The following MYO5A variants were observed in gnomAD, a reference collection of about 807,000 sequenced individuals.
MYO5A encodes myosin VA.
In MYO5A, 98 loss-of-function variants were observed where a neutral mutation model predicts 249.7. That is an observed-to-expected ratio of 0.39 (90% CI 0.33 to 0.46). The LOEUF (loss-of-function observed/expected upper bound fraction) is 0.46, where lower values mean the gene tolerates loss of function less well. Among genes scored for constraint, MYO5A ranks in the 20% least tolerant of loss-of-function variants. The probability of loss-of-function intolerance (pLI) is 0.98; values close to 1 mark genes in which losing one functional copy is unlikely to be tolerated. For synonymous variants in MYO5A, 778 were observed against 810.6 expected (o/e 0.96, Z 0.68); for missense variants, 1,696 against 2,308.8 (o/e 0.73, Z 5.44).
chr15:52,343,345 A>G, intron 30 of MYO5A, 148 bp from the exon 31 acceptor site: 1 of 722,250 alleles, frequency 1.4e-6, no homozygotes, highest in Non-Finnish European at 2.4e-6. Flanking sequence ...TACCACAAAA[A>G]TTATTTTTGG....
chr15:52,401,219 C>T (rs142314462), intron 9 of MYO5A, among the ~76,000 whole-genome samples: 313 of 151,978 alleles, frequency 2.1e-3, no homozygotes, highest in African/African-American at 7.3e-3. Context: ...TATAGGCATA[C>T]GCATGATGTC....
At chr15:52,476,718 G>C (rs2076603072) in intron 1 of MYO5A, among the ~76,000 whole-genome samples, 4 of 152,228 alleles carry the variant, frequency 2.6e-5, no homozygotes, top group African/African-American at 9.6e-5. Flanking sequence ...TTGAATATTG[G>C]TCCCCACTCT....
chr15:52,441,760 C>T (rs541103769), intron 1 of MYO5A, among the ~76,000 whole-genome samples: 8 of 152,332 alleles, frequency 5.3e-5, no homozygotes, highest in African/African-American at 1.9e-4. Flanking sequence ...CTGCTAGAAT[C>T]CTTATCCCAC....
intron 2 of MYO5A, among the ~76,000 whole-genome samples, chr15:52,431,698 A>T (rs1013748382): frequency 2.2e-4 from 33 of 151,904 alleles, no homozygotes; most frequent in African/African-American, 6.8e-4. Context: ...AAAAAAAAAA[A>T]AAATAAGCCA....
intron 1 of MYO5A, among the ~76,000 whole-genome samples, chr15:52,471,554 A>C (rs2076469716): frequency 1.3e-5 from 2 of 150,576 alleles, no homozygotes; most frequent in Admixed American, 1.3e-4. Context: ...CAGCAACTTG[A>C]GGCCAGCCTG....
intron 1 of MYO5A, among the ~76,000 whole-genome samples, chr15:52,484,252 A>G (rs1225958911): frequency 6.6e-6 from 1 of 152,232 alleles, no homozygotes; most frequent in African/African-American, 2.4e-5. Flanking sequence ...ATATATGTGA[A>G]TTAGAATGCA....
At chr15:52,432,532 T>C (rs573537977) in intron 2 of MYO5A, among the ~76,000 whole-genome samples, 2 of 152,352 alleles carry the variant, frequency 1.3e-5, no homozygotes, top group South Asian at 2.1e-4. Context: ...CCTGGCTGTG[T>C]GACCTTGAGC....
chr15:52,335,982 T>C (rs2039100893), intron 34 of MYO5A, among the ~76,000 whole-genome samples: 1 of 152,120 alleles, frequency 6.6e-6, no homozygotes, highest in Non-Finnish European at 1.5e-5. Flanking sequence ...TTAAAAGTAA[T>C]TGCCTTTGGA....
chr15:52,462,500 C>T (rs894629632), intron 1 of MYO5A, among the ~76,000 whole-genome samples: 6 of 151,786 alleles, frequency 4.0e-5, no homozygotes, highest in African/African-American at 1.4e-4. Context: ...CATGCTTGCA[C>T]CTTGATCATG....
rs185162349 is a variant in MYO5A at position 52,503,019 on chromosome 15, C to T, written c.27+25761G>A. Among the ~76,000 whole-genome samples the T allele has an allele frequency of 6.9e-3, 1,043 of 152,070 alleles. 6 individuals carry two copies. The highest frequency in any genetic ancestry group is 0.01 in the Middle Eastern group (3 of 294). ...AGAGTAGACTGGTGGATACCAGAGG[C>T]CAGGCAAGGTAGCAGGGACGGGGAG... On this transcript the variant is annotated intron_variant, in intron 1 of 41. Transcript: ENST00000399233.
At chr15:52,481,936 G>A (rs2076722927) in intron 1 of MYO5A, among the ~76,000 whole-genome samples, 1 of 152,164 alleles carries the variant, frequency 6.6e-6, no homozygotes, top group South Asian at 2.1e-4. Flanking sequence ...TTTGTTAGTA[G>A]AAACAGGATA....
chr15:52,368,347 T>C (rs952308385), intron 22 of MYO5A, among the ~76,000 whole-genome samples: 3 of 152,178 alleles, frequency 2.0e-5, no homozygotes, highest in Non-Finnish European at 4.4e-5. Flanking sequence ...GAGAGGCTCT[T>C]GTTTGGTAGG....
intron 1 of MYO5A, among the ~76,000 whole-genome samples, chr15:52,485,746 A>C (rs1372397686): frequency 6.6e-6 from 1 of 152,170 alleles, no homozygotes; most frequent in Non-Finnish European, 1.5e-5. Flanking sequence ...AAAAAGCCTC[A>C]ATAACTTGAA....
chr15:52,446,175 T>C (rs1382006742), intron 1 of MYO5A, among the ~76,000 whole-genome samples: 1 of 152,186 alleles, frequency 6.6e-6, no homozygotes. Context: ...CCCAGAGGCC[T>C]AGGAGGACAT....
At chr15:52,325,883 C>T (rs17613587) in intron 36 of MYO5A, among the ~76,000 whole-genome samples, 22,724 of 151,684 alleles carry the variant, frequency 0.15, 1,788 homozygotes, top group Middle Eastern at 0.22. Flanking sequence ...TTGAGTTTGC[C>T]GAAGTAGTAT....
chr15:52,476,315 C>A (rs1404723521), intron 1 of MYO5A, among the ~76,000 whole-genome samples: 1 of 152,134 alleles, frequency 6.6e-6, no homozygotes, highest in East Asian at 1.9e-4. Context: ...CTCCTGAATA[C>A]AGCACACTGA....
At chr15:52,518,796 CAT>C (rs2077551611) in intron 1 of MYO5A, among the ~76,000 whole-genome samples, 1 of 152,142 alleles carries the variant, frequency 6.6e-6, no homozygotes, top group Non-Finnish European at 1.5e-5. Context: ...AACACATAAA[CAT>C]GCTCACAAAC....
intron 32 of MYO5A, among the ~76,000 whole-genome samples, chr15:52,338,909 TTATTA>T (rs1056188531): frequency 6.6e-6 from 1 of 152,220 alleles, no homozygotes; most frequent in African/African-American, 2.4e-5. Flanking sequence ...ATCAATCAAC[TTATTA>T]TATTATTCAG....
chr15:52,528,712 C>G (rs2077770184), intron 1 of MYO5A, 68 bp downstream of exon 1: 2 of 1,472,554 alleles, frequency 1.4e-6, no homozygotes, highest in African/African-American at 2.9e-5. Context: ...CGCCCCCTCC[C>G]CAGCCTGACA....
Sources: allele counts gnomAD v4.1 joint callset (sites outside exome capture counted in the v4.1 genomes callset), GRCh38; gene constraint gnomAD v4.1.1; transcripts MANE v1.5; gene names NCBI Gene and HGNC (gene_info 2026-07-23, HGNC 2026-07-21).